The following ANO5 variants were observed in gnomAD, a reference collection of about 807,000 sequenced individuals.
ANO5 encodes the protein anoctamin 5, also known as anoctamin-5.
In ANO5, 109 loss-of-function variants were observed where a neutral mutation model predicts 121.0. That is an observed-to-expected ratio of 0.90 (90% confidence interval 0.77 to 1.06). The LOEUF (loss-of-function observed/expected upper bound fraction) is 1.06. Ranked by LOEUF, ANO5 falls within the 50% of genes least tolerant of loss-of-function variation. ANO5 has a pLI of 0.00. For synonymous variants in ANO5, 406 were observed against 359.9 expected (o/e 1.13, Z -1.45); for missense variants, 1,064 against 1,078.5 (o/e 0.99, Z 0.19).
Position 22,267,433 on chromosome 11 carries a change from A to G in ANO5, c.1899-2879A>G, listed in dbSNP as rs544623552. On this transcript the variant is annotated intron_variant, in intron 17 of 21. Coordinates refer to ENST00000324559, the MANE Select transcript of ANO5 (RefSeq NM_213599.3). ...TGCTCCATCATCTACAATACTCTTC[A>G]TCTACATACAATATTATCTACAATA... is the stretch of plus-strand genomic sequence containing the variant. Among the ~76,000 whole-genome samples, 44 of 151,160 alleles carry G rather than the reference A, an allele frequency of 2.9e-4. No individual in the cohort carries two copies. The East Asian group carries it at 8.2e-3, about 28-fold the overall frequency.
intron 3 of ANO5, among the ~76,000 whole-genome samples, chr11:22,217,444 A>T (rs1852483413): frequency 6.6e-6 from 1 of 151,948 alleles, no homozygotes; most frequent in East Asian, 1.9e-4. Context: ...AATTAAAAAA[A>T]AAACCTGGGT....
chr11:22,195,343 A>G (rs1175543123), intron 1 of ANO5, among the ~76,000 whole-genome samples: 2 of 152,180 alleles, frequency 1.3e-5, no homozygotes, highest in Non-Finnish European at 2.9e-5. Context: ...TATTAGATAT[A>G]TGATTTACAA....
Position 22,225,982 on chromosome 11 carries a change from A to G in ANO5, c.295-2A>G, listed in dbSNP as rs758847803. Reference sequence around the variant, plus strand: ...AATTCTGTTGATTTTTTTTTGTCATAGGAAAGAAGAAAAGAGTTTGAAACT... The same window carrying G: ...AATTCTGTTGATTTTTTTTTGTCATGGGAAAGAAGAAAAGAGTTTGAAACT... On this transcript the variant is annotated splice_acceptor_variant, in intron 5 of 21. Coordinates refer to ENST00000324559, the MANE Select transcript of ANO5 (RefSeq NM_213599.3). LOFTEE classifies it high-confidence loss of function. 2 of 1,601,914 alleles carry G rather than the reference A, an allele frequency of 1.2e-6. No homozygotes were observed. Among genetic ancestry groups the G allele is most frequent in the South Asian group, 2.2e-5 (2 of 90,756 alleles).
At chr11:22,274,931 T>C (rs1854777568) in intron 20 of ANO5, among the ~76,000 whole-genome samples, 184 bp downstream of exon 20, 1 of 151,890 alleles carries the variant, frequency 6.6e-6, no homozygotes, top group Admixed American at 6.6e-5. Flanking sequence ...AAAGGTAAAA[T>C]GGCAAAAACT....
chr11:22,255,762 A>T (rs1051909084), intron 13 of ANO5, among the ~76,000 whole-genome samples: 7 of 152,264 alleles, frequency 4.6e-5, no homozygotes, highest in African/African-American at 1.4e-4. Context: ...AACTACATGG[A>T]TGAACCCATC....
chr11:22,195,771 T>G (rs1851792521), intron 1 of ANO5, among the ~76,000 whole-genome samples: 1 of 152,186 alleles, frequency 6.6e-6, no homozygotes, highest in Non-Finnish European at 1.5e-5. Context: ...GTAATCTATT[T>G]ATGCTTACAT....
At chr11:22,215,558 G>C (rs1237650879) in intron 3 of ANO5, among the ~76,000 whole-genome samples, 3 of 151,908 alleles carry the variant, frequency 2.0e-5, no homozygotes, top group Admixed American at 6.6e-5. Context: ...GCTATCTCAA[G>C]ATTAATATGT....
chr11:22,265,331 C>T (rs559112594), intron 17 of ANO5, among the ~76,000 whole-genome samples: 1 of 152,086 alleles, frequency 6.6e-6, no homozygotes, highest in African/African-American at 2.4e-5. Context: ...AAATAGTGTT[C>T]CCCTTTCATT....
In ANO5 at chr11:22,236,345, G is replaced by A. The variant is rs1348086546; in HGVS notation, c.762+69G>A. 7.1e-6 allele frequency: 9 copies of A among 1,273,180 alleles called. No individual in the cohort carries two copies. The Admixed American group carries it at 1.4e-4, about 19-fold the overall frequency. The allele number at this position is 1,273,180 out of a possible 1,614,324, so 78.9% of individuals were successfully genotyped here. ...CTGCCATGTTCATTACTGGGAGAGA[G>A]AATCTTCCTTTACTTCAGTTGCTTA... On this transcript the variant is annotated intron_variant, in intron 8 of 21. Transcript: ENST00000324559.
In ANO5 at chr11:22,193,508, C is replaced by T. The variant is rs748716904; in HGVS notation, c.16C>T (p.Leu6Phe). Residue 6 changes from leucine (L) to phenylalanine (F), a missense_variant, in exon 1 of 22, where the codon CTC (leucine) becomes TTC (phenylalanine). Coordinates refer to ENST00000324559, the MANE Select transcript of ANO5 (RefSeq NM_213599.3). Reference sequence around the variant, plus strand: ...GCTGGCGAAGATGGGCGACCCGGATCTCCTGGAAGTGTTGGCGGAGGAAGG... The same window carrying T: ...GCTGGCGAAGATGGGCGACCCGGATTTCCTGGAAGTGTTGGCGGAGGAAGG... MGDPD[L>F]LEVLAEEGEK... The T allele has an allele frequency of 3.2e-5, 52 of 1,613,170 alleles. No individual in the cohort carries two copies. Among genetic ancestry groups the T allele is most frequent in the Non-Finnish European group, 4.2e-5 (50 of 1,179,800 alleles).
chr11:22,274,105 GT>G (rs1175475855), intron 19 of ANO5, among the ~76,000 whole-genome samples: 2 of 151,696 alleles, frequency 1.3e-5, no homozygotes, highest in Non-Finnish European at 2.9e-5. Flanking sequence ...GCACCCAACT[GT>G]GAGAAATTTA....
At chr11:22,212,821 T>G (rs1317177370) in intron 3 of ANO5, among the ~76,000 whole-genome samples, 1 of 137,558 alleles carries the variant, frequency 7.3e-6, no homozygotes, top group Non-Finnish European at 1.5e-5. Flanking sequence ...TCAGGTTTTG[T>G]TTTTTTTTTT....
At chr11:22,276,036 C>T (rs1228850185) in intron 20 of ANO5, 58 bp from the exon 21 acceptor site, 1 of 1,151,436 alleles carries the variant, frequency 8.7e-7, no homozygotes, top group African/African-American at 1.6e-5. Flanking sequence ...TGAGGTCTCT[C>T]TAGTTGAAGC....
chr11:22,196,559 T>A (rs1216412222), intron 1 of ANO5, among the ~76,000 whole-genome samples: 1 of 151,756 alleles, frequency 6.6e-6, no homozygotes, highest in Non-Finnish European at 1.5e-5. Context: ...CTTCCAGATA[T>A]ATTTTCTCTT....
chr11:22,211,358 G>T (rs373328047), intron 3 of ANO5, 44 bp downstream of exon 3: 2 of 1,578,220 alleles, frequency 1.3e-6, no homozygotes, highest in African/African-American at 2.7e-5. Context: ...GGACACAAAT[G>T]GGGCATCTTT....
At chr11:22,245,460 ACTCTT>A (rs747915588) in intron 9 of ANO5, among the ~76,000 whole-genome samples, 5 of 149,266 alleles carry the variant, frequency 3.3e-5, no homozygotes, top group Non-Finnish European at 7.5e-5. Flanking sequence ...ATATCTTTCC[ACTCTT>A]CTCTATTCCT....
rs573833460 is a variant in ANO5 at position 22,233,033 on chromosome 11, A to C, written c.649-3130A>C. Among the ~76,000 whole-genome samples, 19 of 152,150 alleles carry C rather than the reference A, an allele frequency of 1.2e-4. No individual in the cohort carries two copies. The South Asian group carries it at 3.1e-3, about 25-fold the overall frequency. On this transcript the variant is annotated intron_variant, in intron 7 of 21. Coordinates refer to ENST00000324559, the MANE Select transcript of ANO5 (RefSeq NM_213599.3). The stretch of plus-strand genomic sequence containing the variant: ...CCCGCAAGTTTGACTTGACAGTACC[A>C]TTTGCCACACAGTTCATCCTAAATT...
intron 17 of ANO5, among the ~76,000 whole-genome samples, 183 bp from the exon 18 acceptor site, chr11:22,270,129 C>G (rs1167620544): frequency 1.3e-5 from 2 of 152,196 alleles, no homozygotes; most frequent in African/African-American, 4.8e-5. Flanking sequence ...TTGACTTCTG[C>G]ATGTGTCATG....
At position 22,209,885 on chromosome 11, in the gene ANO5, C is replaced by T. The variant is rs140107337; in HGVS notation, c.88-1379C>T. Among the ~76,000 whole-genome samples, 47 of 151,854 alleles carry T rather than the reference C, an allele frequency of 3.1e-4. No individual in the cohort carries two copies. The East Asian group carries it at 7.7e-3, about 25-fold the overall frequency. On this transcript the variant is annotated intron_variant, in intron 2 of 21. Coordinates refer to ENST00000324559, the MANE Select transcript of ANO5 (RefSeq NM_213599.3). ...ATGCTTCTGTAAGCAAAACAACTAA[C>T]ATTTCTCTAGGATAATTGGAAAAAC...
Sources: allele counts gnomAD v4.1 joint callset (sites outside exome capture counted in the v4.1 genomes callset), GRCh38; gene constraint gnomAD v4.1.1; transcripts MANE v1.5; gene names NCBI Gene and HGNC (gene_info 2026-07-23, HGNC 2026-07-21).